The following BPTF variants were observed in gnomAD, a reference collection of about 807,000 sequenced individuals.
BPTF encodes nucleosome-remodeling factor subunit BPTF.
A neutral mutation model predicts 292.5 loss-of-function variants in BPTF; 18 were observed. The observed-to-expected ratio is 0.06, with a 90% confidence interval of 0.04 to 0.09. The LOEUF (loss-of-function observed/expected upper bound fraction) is 0.09, where lower values mean the gene tolerates loss of function less well. Ranked by LOEUF, BPTF falls within the 10% of genes least tolerant of loss-of-function variation. The pLI, the probability that BPTF is intolerant of heterozygous loss-of-function variation, is 1.00. For missense variants in BPTF, 2,726 were observed against 3,498.7 expected (o/e 0.78, Z 5.57); for synonymous variants, 1,225 against 1,251.9 (o/e 0.98, Z 0.45).
intron 23 of BPTF, 106 bp from the exon 24 acceptor site, chr17:67,959,435 A>G: frequency 1.1e-6 from 1 of 870,612 alleles, no homozygotes; most frequent in Non-Finnish European, 1.7e-6. Context: ...GTTAGGCTGA[A>G]CTGTGGAGCT....
At chr17:67,904,881 C>G in intron 9 of BPTF, 41 bp downstream of exon 9, 1 of 1,440,984 alleles carries the variant, frequency 6.9e-7, no homozygotes, top group Non-Finnish European at 9.4e-7. Flanking sequence ...ATCGTTTCTG[C>G]TTTATATTTC....
chr17:67,883,742 AGGCGCCT>A (rs2060571839), intron 4 of BPTF, among the ~76,000 whole-genome samples: 1 of 152,052 alleles, frequency 6.6e-6, no homozygotes, highest in Non-Finnish European at 1.5e-5. Flanking sequence ...CTGGGATTAC[AGGCGCCT>A]GCCGCTGTGC....
chr17:67,933,842 TG>T (rs2064654548), intron 18 of BPTF, among the ~76,000 whole-genome samples: 1 of 152,076 alleles, frequency 6.6e-6, no homozygotes, highest in Admixed American at 6.6e-5. Context: ...GCAGATCACC[TG>T]AAGTCAGGAG....
intron 3 of BPTF, among the ~76,000 whole-genome samples, chr17:67,873,966 T>G (rs1305838182): frequency 6.7e-6 from 1 of 150,360 alleles, no homozygotes; most frequent in Non-Finnish European, 1.5e-5. Flanking sequence ...CCGGAGCATC[T>G]TGTAATAGTG....
At chr17:67,981,703 G>A (rs1282274637) in intron 27 of BPTF, 1 of 987,440 alleles carries the variant, frequency 1.0e-6, no homozygotes, top group South Asian at 4.6e-5. Context: ...CTTAGTCCTG[G>A]TAACTGTACA....
intron 4 of BPTF, among the ~76,000 whole-genome samples, chr17:67,888,152 T>C (rs1480044854): frequency 6.6e-6 from 1 of 152,202 alleles, no homozygotes; most frequent in African/African-American, 2.4e-5. Flanking sequence ...TTCTCATACA[T>C]ACAATTCAAA....
At chr17:67,909,512 C>G in intron 9 of BPTF, 70 bp from the exon 10 acceptor site, 2 of 961,736 alleles carry the variant, frequency 2.1e-6, no homozygotes, top group South Asian at 6.0e-5. Context: ...TTTATTTTCA[C>G]TAAACTTGAC....
intron 12 of BPTF, among the ~76,000 whole-genome samples, chr17:67,919,512 C>T (rs991864059): frequency 6.6e-6 from 1 of 152,080 alleles, no homozygotes; most frequent in African/African-American, 2.4e-5. Flanking sequence ...GTCTTCCAGT[C>T]TGGATAACAG....
At chr17:67,844,564 T>C (rs948056099) in intron 1 of BPTF, among the ~76,000 whole-genome samples, 1 of 149,462 alleles carries the variant, frequency 6.7e-6, no homozygotes, top group Non-Finnish European at 1.5e-5. Context: ...TTTTTCTTTT[T>C]TTTTTTTTGT....
intron 11 of BPTF, among the ~76,000 whole-genome samples, chr17:67,918,083 G>A (rs2063173746): frequency 6.6e-6 from 1 of 152,008 alleles, no homozygotes; most frequent in Non-Finnish European, 1.5e-5. Flanking sequence ...ACAGGCATGA[G>A]CCACCATGCC....
intron 26 of BPTF, among the ~76,000 whole-genome samples, chr17:67,972,854 G>A (rs12602211): frequency 6.6e-6 from 1 of 151,674 alleles, no homozygotes; most frequent in Non-Finnish European, 1.5e-5. Context: ...GAATGTCCTA[G>A]TGTGATGTGT....
At chr17:67,839,140 G>GA (rs903832593) in intron 1 of BPTF, among the ~76,000 whole-genome samples, 7 of 149,884 alleles carry the variant, frequency 4.7e-5, no homozygotes, top group Admixed American at 1.3e-4. Context: ...AAAAAAAAAA[G>GA]AAAAAAAAGA....
chr17:67,919,608 A>G (rs1319226982), intron 12 of BPTF, among the ~76,000 whole-genome samples: 4 of 152,180 alleles, frequency 2.6e-5, no homozygotes, highest in Admixed American at 1.3e-4. Flanking sequence ...CCCAGGGGCC[A>G]GAAGGGAAGG....
intron 1 of BPTF, among the ~76,000 whole-genome samples, chr17:67,845,784 A>T (rs1242719400): frequency 2.0e-5 from 3 of 149,760 alleles, no homozygotes; most frequent in Non-Finnish European, 4.4e-5. Flanking sequence ...AAATATATAT[A>T]TTTTATTTTA....
intron 27 of BPTF, 52 bp downstream of exon 27, chr17:67,976,010 A>G (rs1555693753): frequency 7.1e-7 from 1 of 1,416,620 alleles, no homozygotes; most frequent in Admixed American, 2.2e-5. Context: ...CACACTCTTT[A>G]TACTATTCTG....
chr17:67,838,007 T>C (rs531703162), intron 1 of BPTF, among the ~76,000 whole-genome samples: 7 of 152,222 alleles, frequency 4.6e-5, no homozygotes, highest in Non-Finnish European at 1.0e-4. Context: ...CTCAGTTTAC[T>C]CACCTGTACA....
At chr17:67,860,158 T>C (rs2058990251) in intron 2 of BPTF, among the ~76,000 whole-genome samples, 1 of 152,242 alleles carries the variant, frequency 6.6e-6, no homozygotes, top group African/African-American at 2.4e-5. Context: ...CATGCTGTGA[T>C]ATTTTGAGTA....
intron 26 of BPTF, among the ~76,000 whole-genome samples, chr17:67,971,046 C>A (rs1266523849): frequency 2.6e-5 from 4 of 151,748 alleles, no homozygotes; most frequent in Admixed American, 2.0e-4. Flanking sequence ...ACAGCTGATT[C>A]TCCCACCTCA....
rs546692344 is a variant in BPTF, at chr17:67,847,015, G to C, written c.614-6925G>C. ...CAAGCCCAGCTGGACTTGTGGGTTTGTTGTTGTTTTTTTGTTTTATTTGGG... is the reference window on the plus strand; with the variant it reads ...CAAGCCCAGCTGGACTTGTGGGTTTCTTGTTGTTTTTTTGTTTTATTTGGG... On this transcript the variant is annotated intron_variant, in intron 1 of 27. Coordinates refer to ENST00000306378, the MANE Select transcript of BPTF (RefSeq NM_182641.4). 2.0e-5 allele frequency among the ~76,000 whole-genome samples: 3 copies of C among 152,156 alleles called. No homozygotes were observed. In the South Asian group the frequency reaches 6.2e-4, roughly 32 times the overall value.
Sources: gnomAD v4.1 joint callset for allele counts (sites outside exome capture counted in the v4.1 genomes callset) on GRCh38, gnomAD v4.1.1 for gene constraint, MANE v1.5 for transcripts, NCBI Gene and HGNC (gene_info 2026-07-23, HGNC 2026-07-21) for gene names.